Variants in TUSC3 observed in about 807,000 individuals in gnomAD.
TUSC3 encodes the protein tumor suppressor candidate 3.
Under a neutral mutation model 44.8 loss-of-function variants are expected in TUSC3, and 45 were observed. That is an observed-to-expected ratio of 1.00 (90% CI 0.79 to 1.29). The LOEUF (loss-of-function observed/expected upper bound fraction) is 1.29, where lower values mean the gene tolerates loss of function less well. Ranked by LOEUF, TUSC3 falls within the 50% of genes most tolerant of loss-of-function variation. TUSC3 has a pLI of 0.00. For synonymous variants in TUSC3, 212 were observed against 152.9 expected (o/e 1.39, Z -2.85); for missense variants, 519 against 437.9 (o/e 1.19, Z -1.65).
chr8:15,444,550 T>A (rs528743346), intron 1 of TUSC3, among the ~76,000 whole-genome samples: 1 of 152,030 alleles, frequency 6.6e-6, no homozygotes, highest in African/African-American at 2.4e-5. Flanking sequence ...CCTGATCAGA[T>A]AGGGAGAGTG....
At chr8:15,541,197 G>A (rs1277296452) in intron 1 of TUSC3, among the ~76,000 whole-genome samples, 1 of 152,058 alleles carries the variant, frequency 6.6e-6, no homozygotes, top group African/African-American at 2.4e-5. Flanking sequence ...TATTTTATGT[G>A]GATTTATTTC....
intron 6 of TUSC3, among the ~76,000 whole-genome samples, chr8:15,711,643 G>T (rs1263851434): frequency 1.3e-5 from 2 of 151,542 alleles, no homozygotes; most frequent in Non-Finnish European, 2.9e-5. Flanking sequence ...CACTGTGTAG[G>T]CATGGTTTGC....
Position 15,523,607 on chromosome 8 carries a change from C to A in TUSC3, n.189+40124C>A, listed in dbSNP as rs77927886. On this transcript the variant is annotated intron_variant and non_coding_transcript_variant, in intron 2 of 5. Coordinates refer to the TUSC3 transcript ENST00000503191. ...TGCCGACTTTCCAAATATTTCACTT[C>A]CCAAATAATTGGCTTAAAAATCCTT... Among the ~76,000 whole-genome samples the A allele has an allele frequency of 5.3e-3, 772 of 146,808 alleles. 6 individuals carry two copies. The highest frequency in any genetic ancestry group is 8.8e-3 in the Non-Finnish European group (594 of 67,260).
At chr8:15,567,936 A>T (rs1802736012) in intron 1 of TUSC3, among the ~76,000 whole-genome samples, 1 of 151,990 alleles carries the variant, frequency 6.6e-6, no homozygotes, top group Non-Finnish European at 1.5e-5. Context: ...GGTACTCCTT[A>T]TTTTTGTCCT....
At chr8:15,724,589 C>G (rs1238484700) in intron 6 of TUSC3, among the ~76,000 whole-genome samples, 1 of 152,006 alleles carries the variant, frequency 6.6e-6, no homozygotes, top group East Asian at 1.9e-4. Context: ...TTTGCTTTGG[C>G]AATAATTTTT....
At chr8:15,498,568 T>G (rs2129126640) in intron 2 of TUSC3, among the ~76,000 whole-genome samples, 1 of 152,322 alleles carries the variant, frequency 6.6e-6, no homozygotes, top group East Asian at 1.9e-4. Flanking sequence ...TTTGTCTATT[T>G]CTAACCTTGA....
chr8:15,674,858 A>G (rs558759667), intron 6 of TUSC3, among the ~76,000 whole-genome samples: 4 of 152,080 alleles, frequency 2.6e-5, no homozygotes, highest in East Asian at 1.9e-4. Flanking sequence ...AGTTATACAA[A>G]GAAAAATAAT....
intron 6 of TUSC3, among the ~76,000 whole-genome samples, chr8:15,683,119 A>T (rs950130032): frequency 6.6e-6 from 1 of 151,986 alleles, no homozygotes; most frequent in Non-Finnish European, 1.5e-5. Flanking sequence ...GCTGATGACT[A>T]TTTGCCTTGG....
chr8:15,468,522 C>T (rs1800444228), intron 1 of TUSC3, among the ~76,000 whole-genome samples: 1 of 152,162 alleles, frequency 6.6e-6, no homozygotes, highest in Non-Finnish European at 1.5e-5. Context: ...CCTCTTCACT[C>T]TGTCAAATTA....
intron 6 of TUSC3, among the ~76,000 whole-genome samples, chr8:15,715,561 C>T (rs1202342244): frequency 6.6e-6 from 1 of 152,062 alleles, no homozygotes; most frequent in African/African-American, 2.4e-5. Flanking sequence ...CAGCCTGCAA[C>T]TTAAAGCATA....
intron 6 of TUSC3, 48 bp from the exon 7 acceptor site, chr8:15,730,618 A>G (rs373250855): frequency 2.5e-6 from 4 of 1,581,108 alleles, no homozygotes; most frequent in Non-Finnish European, 3.5e-6. Flanking sequence ...CTACAAAATA[A>G]TTATGAGGCT....
intron 5 of TUSC3, among the ~76,000 whole-genome samples, chr8:15,666,815 T>G (rs973054859): frequency 7.9e-5 from 12 of 151,314 alleles, no homozygotes; most frequent in Non-Finnish European, 1.5e-4. Flanking sequence ...CCATTTGGAG[T>G]TAGTTATGGT....
At chr8:15,544,387 AAAGCAGCTG>A (rs1189986670) in intron 1 of TUSC3, among the ~76,000 whole-genome samples, 15 of 151,782 alleles carry the variant, frequency 9.9e-5, no homozygotes, top group African/African-American at 3.6e-4. Flanking sequence ...GCCATCATCA[AAAGCAGCTG>A]TTATAATAAT....
chr8:15,519,234 A>C (rs1801261873), intron 2 of TUSC3, among the ~76,000 whole-genome samples: 1 of 152,186 alleles, frequency 6.6e-6, no homozygotes, highest in Admixed American at 6.5e-5. Flanking sequence ...GATAGTTTAA[A>C]AATTTTTTAG....
intron 1 of TUSC3, among the ~76,000 whole-genome samples, chr8:15,436,625 A>T (rs1474013394): frequency 6.6e-6 from 1 of 152,156 alleles, no homozygotes; most frequent in African/African-American, 2.4e-5. Context: ...TCAGATTGTG[A>T]TTGCATTACT....
chr8:15,613,419 T>C lies in TUSC3; in HGVS notation c.139-9661T>C, dbSNP rs147017448. On this transcript the variant is annotated intron_variant, in intron 1 of 10. Coordinates refer to ENST00000503731, the MANE Select transcript of TUSC3 (RefSeq NM_006765.4). ...AAAAGGAAAAGAAATTTGAGTGTCT[T>C]AGCATTTGTAAGATGCAGTGCTAAG... Among the ~76,000 whole-genome samples the C allele has an allele frequency of 1.6e-3, 239 of 152,316 alleles. 2 individuals are homozygous for C. The Middle Eastern group carries it at 0.017, about 11-fold the overall frequency.
At chr8:15,762,548 G>A (rs143678939) in intron 10 of TUSC3, among the ~76,000 whole-genome samples, 1 of 152,152 alleles carries the variant, frequency 6.6e-6, no homozygotes, top group East Asian at 1.9e-4. Context: ...TGCTTTTACA[G>A]GGGTAATATC....
chr8:15,741,317 G>A (rs924871059), intron 7 of TUSC3, among the ~76,000 whole-genome samples: 1 of 152,114 alleles, frequency 6.6e-6, no homozygotes, highest in Non-Finnish European at 1.5e-5. Context: ...TCGAATTGAG[G>A]AAGCTGCTTA....
At chr8:15,420,986 C>T (rs1481634153) in intron 1 of TUSC3, among the ~76,000 whole-genome samples, 1 of 152,146 alleles carries the variant, frequency 6.6e-6, no homozygotes, top group African/African-American at 2.4e-5. Flanking sequence ...ATGCAAGTGA[C>T]ACTAATTTTT....
Sources: gnomAD v4.1 joint callset for allele counts (sites outside exome capture counted in the v4.1 genomes callset) on GRCh38, gnomAD v4.1.1 for gene constraint, MANE v1.5 for transcripts, NCBI Gene and HGNC (gene_info 2026-07-23, HGNC 2026-07-21) for gene names.